The following HDX variants were observed in gnomAD, a reference collection of about 807,000 sequenced individuals.
HDX encodes chromosome X open reading frame 43.
HDX carries 19 observed loss-of-function variants against 45.2 expected under a neutral mutation model. That is an observed-to-expected ratio of 0.42 (90% CI 0.29 to 0.62). HDX has a LOEUF of 0.62. HDX is among the 20% of genes least tolerant of loss of function. The pLI, the probability that HDX is intolerant of heterozygous loss-of-function variation, is 0.20. For synonymous variants in HDX, 188 were observed against 172.8 expected (o/e 1.09, Z -0.69); for missense variants, 532 against 493.9 (o/e 1.08, Z -0.73).
intron 5 of HDX, among the ~76,000 whole-genome samples, chrX:84,388,938 G>C (rs988691225): frequency 9.0e-6 from 1 of 111,562 alleles, no homozygotes; most frequent in East Asian, 2.8e-4. Context: ...TGAGAAGCTT[G>C]GTATTCCTTT....
chrX:84,448,780 A>G (rs2039931729), intron 4 of HDX, among the ~76,000 whole-genome samples: 1 of 111,260 alleles, frequency 9.0e-6, no homozygotes, highest in African/African-American at 3.3e-5. Context: ...ATATTTATTC[A>G]GCAACAGATT....
rs774409766 is a variant in HDX at position 84,443,125 on chromosome X, A to G, written c.1252-2540T>C. On this transcript the variant is annotated intron_variant, in intron 4 of 10. Coordinates refer to ENST00000373177, the MANE Select transcript of HDX (RefSeq NM_001177479.2). ...CAGTTACATGATACTCAAATGTTAT[A>G]TTTAACTAATCTCTCACGTTTACTT... is the stretch of plus-strand genomic sequence containing the variant. Among the ~76,000 whole-genome samples the G allele has an allele frequency of 3.6e-5, 4 of 111,696 alleles. No individual in the cohort carries two copies. In the Admixed American group the frequency reaches 3.8e-4, roughly 11 times the overall value.
intron 2 of HDX, among the ~76,000 whole-genome samples, chrX:84,487,124 A>T (rs1428766456): frequency 2.7e-5 from 3 of 111,849 alleles, no homozygotes; most frequent in Admixed American, 9.5e-5. Context: ...CTGAGCACAG[A>T]TGGTGCCTGT....
In HDX at chrX:84,361,499, T is replaced by G; in HGVS notation, c.1419A>C (p.Ala473=). The change falls in exon 6 of 11, where the codon GCA becomes GCC. Residue 473 remains alanine (A), a synonymous_variant. Transcript: ENST00000373177. ...TTTCACAGTCAACATTTAATTCAGT[T>G]GCCACAGCTTCAATTTTCTCTCTAC... is the stretch of plus-strand genomic sequence containing the variant. The part of the protein sequence containing the change: ...SVCREKIEAV[A]TELNVDCEIV... 4.1e-6 allele frequency: 5 copies of G among 1,208,204 alleles called. No individual in the cohort carries two copies. Among genetic ancestry groups the G allele is most frequent in the Non-Finnish European group, 5.6e-6 (5 of 892,787 alleles).
intron 5 of HDX, among the ~76,000 whole-genome samples, chrX:84,367,081 C>T (rs994398555): frequency 1.8e-5 from 2 of 111,150 alleles, no homozygotes; most frequent in Admixed American, 9.6e-5. Flanking sequence ...AATGGGAGAA[C>T]ATTTTTGCAA....
intron 5 of HDX, among the ~76,000 whole-genome samples, chrX:84,402,806 T>A (rs1014220874): frequency 1.8e-5 from 2 of 111,445 alleles, no homozygotes; most frequent in African/African-American, 6.5e-5. Flanking sequence ...GTGCAATAAA[T>A]GTGAATTACT....
Position 84,450,843 on chromosome X carries a change from G to C in HDX, c.1252-10258C>G, listed in dbSNP as rs189003026. ...CTTTTTTAAATTACAACTATATAGA[G>C]TATCTTCTTAGACCACAGTGGAGTT... On this transcript the variant is annotated intron_variant, in intron 4 of 10. Transcript: ENST00000373177. 3.1e-3 allele frequency among the ~76,000 whole-genome samples: 348 copies of C among 112,016 alleles called. 1 individual carries two copies. The highest frequency in any genetic ancestry group is 0.011 in the African/African-American group (343 of 30,881).
intron 4 of HDX, among the ~76,000 whole-genome samples, chrX:84,463,216 T>C (rs986271903): frequency 9.0e-5 from 10 of 111,309 alleles, no homozygotes; most frequent in Non-Finnish European, 1.9e-4. Context: ...CTGCTAACTC[T>C]ACCCACTCAA....
intron 4 of HDX, among the ~76,000 whole-genome samples, chrX:84,462,244 T>C (rs988848476): frequency 1.8e-5 from 2 of 111,964 alleles, no homozygotes; most frequent in Admixed American, 1.9e-4. Flanking sequence ...CTATTCACAA[T>C]AGACAAGATT....
intron 5 of HDX, among the ~76,000 whole-genome samples, chrX:84,398,761 T>C (rs1342683173): frequency 8.9e-6 from 1 of 112,281 alleles, no homozygotes; most frequent in East Asian, 2.8e-4. Flanking sequence ...CAACAGAATA[T>C]GCATTCTTCT....
chrX:84,473,645 T>A (rs1206731398), intron 3 of HDX, among the ~76,000 whole-genome samples: 2 of 111,049 alleles, frequency 1.8e-5, no homozygotes, highest in Non-Finnish European at 3.8e-5. Context: ...CAATATTCAA[T>A]CACAATCAAG....
intron 3 of HDX, among the ~76,000 whole-genome samples, chrX:84,472,236 A>G (rs1308563762): frequency 9.0e-6 from 1 of 111,459 alleles, no homozygotes; most frequent in Non-Finnish European, 1.9e-5. Context: ...TAGTTTATAC[A>G]TACATATGCA....
At chrX:84,372,160 T>C (rs1316414516) in intron 5 of HDX, among the ~76,000 whole-genome samples, 1 of 111,178 alleles carries the variant, frequency 9.0e-6, no homozygotes, top group East Asian at 2.8e-4. Context: ...AAAAAGAGGG[T>C]AGTCATAGTA....
chrX:84,492,823 A>G (rs1291748555), intron 1 of HDX, among the ~76,000 whole-genome samples: 1 of 112,084 alleles, frequency 8.9e-6, no homozygotes, highest in Non-Finnish European at 1.9e-5. Flanking sequence ...TAAGAATGTG[A>G]AAGTTAAGCC....
intron 5 of HDX, among the ~76,000 whole-genome samples, chrX:84,416,567 G>C (rs73625987): frequency 0.07 from 7,770 of 110,409 alleles, 321 homozygotes; most frequent in African/African-American, 0.16. Flanking sequence ...AGTTCCATGA[G>C]AGCAGGAATT....
chrX:84,417,889 G>A (rs1602417496), intron 5 of HDX, among the ~76,000 whole-genome samples: 1 of 111,977 alleles, frequency 8.9e-6, no homozygotes, highest in Non-Finnish European at 1.9e-5. Flanking sequence ...TCTCTAACGA[G>A]AGAGGAGGGG....
chrX:84,349,245 C>T (rs1414971728), intron 6 of HDX, among the ~76,000 whole-genome samples: 1 of 110,793 alleles, frequency 9.0e-6, no homozygotes, highest in Non-Finnish European at 1.9e-5. Flanking sequence ...CTTCACTTAT[C>T]TGTCATATCT....
intron 10 of HDX, among the ~76,000 whole-genome samples, chrX:84,322,729 G>A (rs2036623213): frequency 9.0e-6 from 1 of 110,709 alleles, no homozygotes; most frequent in South Asian, 3.7e-4. Context: ...TTTATCTGAA[G>A]TTGTAGAACA....
chrX:84,469,282 A>C lies in HDX; in HGVS notation c.441T>G (p.Thr147=). The C allele has an allele frequency of 8.3e-7, 1 of 1,210,356 alleles. No individual in the cohort carries two copies. The highest frequency in any genetic ancestry group is 1.1e-6 in the Non-Finnish European group (1 of 894,090). Residue 147 remains threonine (T), a synonymous_variant, in exon 4 of 11, where the codon ACT becomes ACG. Transcript: ENST00000373177. ...PIQKTATKND[T]EFQLHIPVQR... The stretch of plus-strand genomic sequence containing the variant: ...GGACAGGAATGTGTAACTGAAACTC[A>C]GTATCATTTTTAGTGGCTGTTTTCT...
Sources: gnomAD v4.1 joint callset for allele counts (sites outside exome capture counted in the v4.1 genomes callset) on GRCh38, gnomAD v4.1.1 for gene constraint, MANE v1.5 for transcripts, NCBI Gene and HGNC (gene_info 2026-07-23, HGNC 2026-07-21) for gene names.